Variants in ARHGEF4 observed in about 807,000 individuals in gnomAD.
ARHGEF4 encodes APC-stimulated guanine nucleotide exchange factor 1.
In ARHGEF4, 119 loss-of-function variants were observed where a neutral mutation model predicts 162.0. The observed-to-expected ratio is 0.73, with a 90% confidence interval of 0.63 to 0.86. The LOEUF (loss-of-function observed/expected upper bound fraction) is 0.86, where lower values mean the gene tolerates loss of function less well. ARHGEF4 is among the 40% of genes least tolerant of loss of function. The pLI is 0.00. For missense variants in ARHGEF4, 2,488 were observed against 2,456.0 expected (o/e 1.01, Z -0.28); for synonymous variants, 1,014 against 979.9 (o/e 1.03, Z -0.65).
chr2:130,843,071 G>A (rs1680713553), intron 1 of ARHGEF4, among the ~76,000 whole-genome samples: 3 of 152,298 alleles, frequency 2.0e-5, no homozygotes, highest in Admixed American at 2.0e-4. Flanking sequence ...AGGGTGGGAC[G>A]AGAGGATATC....
intron 2 of ARHGEF4, among the ~76,000 whole-genome samples, chr2:130,922,612 C>G (rs1019212507): frequency 1.3e-5 from 2 of 152,104 alleles, no homozygotes; most frequent in African/African-American, 2.4e-5. Context: ...AGGTATGTGG[C>G]ATTTTATGAC....
Position 130,916,433 on chromosome 2 carries a change from C to G in ARHGEF4, c.2487C>G (p.Pro829=), listed in dbSNP as rs1681502300. 6.5e-7 allele frequency: 1 copy of G among 1,538,104 alleles called. No individual in the cohort carries two copies. Among genetic ancestry groups the G allele is most frequent in the African/African-American group, 1.4e-5 (1 of 72,818 alleles). The change falls in exon 2 of 14, where the codon CCC becomes CCG. Residue 829 remains proline (P), a synonymous_variant. Transcript: ENST00000409359. Reference sequence around the variant, plus strand: ...GTCGCCGCTGGGGCTCTTCAGGCCCCGAGGGGCTCCCCAGGGAGAATCCGC... The same window carrying G: ...GTCGCCGCTGGGGCTCTTCAGGCCCGGAGGGGCTCCCCAGGGAGAATCCGC... ...TEGRRWGSSG[P]EGLPRENPPA...
At chr2:130,851,756 G>T (rs1681431016) in intron 1 of ARHGEF4, among the ~76,000 whole-genome samples, 1 of 152,192 alleles carries the variant, frequency 6.6e-6, no homozygotes, top group Non-Finnish European at 1.5e-5. Context: ...CCCTCCCGGG[G>T]CCTCCATGGA....
At chr2:131,030,838 G>C (rs1689802484) in intron 5 of ARHGEF4, among the ~76,000 whole-genome samples, 1 of 152,208 alleles carries the variant, frequency 6.6e-6, no homozygotes, top group Non-Finnish European at 1.5e-5. Flanking sequence ...GTGCCTGCCT[G>C]TTAGGAGCCG....
At chr2:130,933,327 T>A (rs1477325583) in intron 3 of ARHGEF4, among the ~76,000 whole-genome samples, 1 of 152,228 alleles carries the variant, frequency 6.6e-6, no homozygotes, top group Non-Finnish European at 1.5e-5. Flanking sequence ...ATTGTTTTGA[T>A]TATCATAGTT....
intron 1 of ARHGEF4, among the ~76,000 whole-genome samples, chr2:130,873,311 C>T (rs569012836): frequency 7.2e-5 from 11 of 152,248 alleles, no homozygotes; most frequent in South Asian, 2.1e-4. Flanking sequence ...GAAAATAGGC[C>T]GGGCACGGTG....
At position 130,916,778 on chromosome 2, in the gene ARHGEF4, G is replaced by A; in HGVS notation, c.2832G>A (p.Lys944=). ...SPSSPKGEKE[K]SRLRQGSWRA... ...GTTCTCCCAAGGGCGAGAAGGAGAAGAGCAGGCTGCGCCAGGGTTCCTGGC... is the reference window on the plus strand; with the variant it reads ...GTTCTCCCAAGGGCGAGAAGGAGAAAAGCAGGCTGCGCCAGGGTTCCTGGC... Residue 944 remains lysine (K), a synonymous_variant, in exon 2 of 14, where the codon AAG becomes AAA. Coordinates refer to ENST00000409359, the MANE Select transcript of ARHGEF4 (RefSeq NM_001367493.1). The A allele has an allele frequency of 1.3e-6, 2 of 1,550,618 alleles. No individual in the cohort carries two copies. Among genetic ancestry groups the A allele is most frequent in the Non-Finnish European group, 1.7e-6 (2 of 1,147,038 alleles).
Position 130,891,717 on chromosome 2 carries a change from G to T in ARHGEF4, c.40-22269G>T, listed in dbSNP as rs572375858. 6.6e-5 allele frequency among the ~76,000 whole-genome samples: 10 copies of T among 152,186 alleles called. No homozygotes were observed. The South Asian group carries it at 1.9e-3, about 28-fold the overall frequency. On this transcript the variant is annotated intron_variant, in intron 1 of 13. Transcript: ENST00000409359. ...CGTCCCTGGCGTCTCTTCTTACCAG[G>T]ACACCAGTTCCATCAGATGAGGGCC...
At chr2:130,871,304 G>A (rs1678466071) in intron 1 of ARHGEF4, among the ~76,000 whole-genome samples, 1 of 152,140 alleles carries the variant, frequency 6.6e-6, no homozygotes, top group African/African-American at 2.4e-5. Context: ...GGGAGGCCGA[G>A]GTGGGCGGAT....
chr2:131,021,518 A>G lies in ARHGEF4; in HGVS notation c.3986-6427A>G, dbSNP rs376719774. Among the ~76,000 whole-genome samples, 18 of 152,366 alleles carry G rather than the reference A, an allele frequency of 1.2e-4. 1 individual carries two copies. Among genetic ancestry groups the G allele is most frequent in the African/African-American group, 4.3e-4 (18 of 41,596 alleles). On this transcript the variant is annotated intron_variant, in intron 4 of 13. Coordinates refer to ENST00000409359, the MANE Select transcript of ARHGEF4 (RefSeq NM_001367493.1). ...AGACTTAAATGTTAGACTTAAAACC[A>G]TAAAAACCCTAGAAGAAAACCTAGG... is the stretch of plus-strand genomic sequence containing the variant.
At chr2:131,015,711 AC>A (rs1688731571) in intron 4 of ARHGEF4, among the ~76,000 whole-genome samples, 1 of 152,130 alleles carries the variant, frequency 6.6e-6, no homozygotes, top group Non-Finnish European at 1.5e-5. Context: ...ACATGGCAAA[AC>A]CCCATCTCTA....
intron 1 of ARHGEF4, among the ~76,000 whole-genome samples, chr2:130,880,314 C>T (rs1309745997): frequency 6.6e-6 from 1 of 152,152 alleles, no homozygotes; most frequent in Non-Finnish European, 1.5e-5. Context: ...GGATTTGTAC[C>T]CATGTCCATC....
intron 1 of ARHGEF4, among the ~76,000 whole-genome samples, chr2:130,905,935 A>G (rs1194114087): frequency 6.6e-6 from 1 of 152,198 alleles, no homozygotes; most frequent in African/African-American, 2.4e-5. Flanking sequence ...GAACTACTGT[A>G]TCCAGTCACT....
chr2:131,032,021 G>A (rs1689886746), intron 5 of ARHGEF4, among the ~76,000 whole-genome samples: 2 of 152,122 alleles, frequency 1.3e-5, no homozygotes, highest in African/African-American at 4.8e-5. Context: ...GGAGGTCTAG[G>A]GTCTCCCATT....
chr2:130,926,196 G>C (rs1030344725), intron 2 of ARHGEF4, among the ~76,000 whole-genome samples: 2 of 151,520 alleles, frequency 1.3e-5, no homozygotes, highest in African/African-American at 4.9e-5. Context: ...TTTTATTTCA[G>C]TTACTATATT....
chr2:131,038,328 G>A (rs1252163844), intron 5 of ARHGEF4, among the ~76,000 whole-genome samples: 1 of 148,392 alleles, frequency 6.7e-6, no homozygotes, highest in Non-Finnish European at 1.5e-5. Context: ...CCTCCCTCCT[G>A]CAGCCTTGCA....
At chr2:130,838,378 G>C (rs553601393) in intron 1 of ARHGEF4, among the ~76,000 whole-genome samples, 3 of 152,244 alleles carry the variant, frequency 2.0e-5, no homozygotes, top group Admixed American at 1.3e-4. Context: ...GAGTGGGGGG[G>C]GCGGATCGCC....
At chr2:130,851,889 A>G (rs994960053) in intron 1 of ARHGEF4, among the ~76,000 whole-genome samples, 1 of 152,208 alleles carries the variant, frequency 6.6e-6, no homozygotes, top group African/African-American at 2.4e-5. Context: ...TCCAAATTCA[A>G]ATGCTGCCAC....
chr2:130,848,017 C>A (rs1269138475), intron 1 of ARHGEF4, among the ~76,000 whole-genome samples: 1 of 152,194 alleles, frequency 6.6e-6, no homozygotes, highest in African/African-American at 2.4e-5. Context: ...GAGGGAGCCA[C>A]GTGGTTGCAG....
Sources: allele counts gnomAD v4.1 joint callset (sites outside exome capture counted in the v4.1 genomes callset), GRCh38; gene constraint gnomAD v4.1.1; transcripts MANE v1.5; gene names NCBI Gene and HGNC (gene_info 2026-07-23, HGNC 2026-07-21).